Variants in TFAP2E observed in about 807,000 individuals in gnomAD.
The protein encoded by TFAP2E is transcription factor AP-2-epsilon.
In TFAP2E, 30 loss-of-function variants were observed where a neutral mutation model predicts 37.9. That is an observed-to-expected ratio of 0.79 (90% confidence interval 0.59 to 1.07). TFAP2E has a LOEUF of 1.07. Ranked by LOEUF, TFAP2E falls within the 50% of genes least tolerant of loss-of-function variation. The pLI is 0.00. For missense variants in TFAP2E, 567 were observed against 637.9 expected (o/e 0.89, Z 1.20); for synonymous variants, 318 against 295.8 (o/e 1.08, Z -0.77).
chr1:35,594,884 G>GT lies in TFAP2E; in HGVS notation c.*209dup. 1 of 667,412 alleles carries GT rather than the reference G, an allele frequency of 1.5e-6. No individual in the cohort carries two copies. Among genetic ancestry groups the GT allele is most frequent in the Non-Finnish European group, 2.5e-6 (1 of 402,348 alleles). The allele number at this position is 667,412 out of a possible 1,614,324, so 41.3% of individuals were successfully genotyped here. On this transcript the variant is annotated 3_prime_UTR_variant, in exon 7 of 7. Coordinates refer to ENST00000373235, the MANE Select transcript of TFAP2E (RefSeq NM_178548.4). ...GTGTGTTGGTAAGTTAAGGGCCCAG[G>GT]TATTTGTCTCATGTGTGCAATTTTC...
At chr1:35,582,944 C>T (rs1649393264) in intron 3 of TFAP2E, among the ~76,000 whole-genome samples, 3 of 151,970 alleles carry the variant, frequency 2.0e-5, no homozygotes. Flanking sequence ...ACTCTGTCGC[C>T]CAGGCTGGAG....
chr1:35,586,622 G>C (rs1649487519), intron 3 of TFAP2E, among the ~76,000 whole-genome samples: 1 of 152,052 alleles, frequency 6.6e-6, no homozygotes, highest in Non-Finnish European at 1.5e-5. Context: ...GCAGGGGTGG[G>C]AGAAACAAAA....
intron 3 of TFAP2E, among the ~76,000 whole-genome samples, chr1:35,579,064 AGAGGGAGACTATCTC>A (rs1310437178): frequency 8.0e-6 from 1 of 125,284 alleles, no homozygotes; most frequent in Non-Finnish European, 1.6e-5. Flanking sequence ...CCTGGACAAC[AGAGGGAGACTATCTC>A]AAAAAAAAAA....
Position 35,575,752 on chromosome 1 carries a change from G to GTATC in TFAP2E, c.562+754_562+757dup, listed in dbSNP as rs564730529. ...ATGTACACATTTCTCAATATGTACAGTATCTCTGTTGTGTCCTGCACTTTG... is the reference window on the plus strand; with the variant it reads ...ATGTACACATTTCTCAATATGTACAGTATCTATCTCTGTTGTGTCCTGCACTTTG... On this transcript the variant is annotated intron_variant, in intron 3 of 6. Transcript: ENST00000373235. Among the ~76,000 whole-genome samples the GTATC allele has an allele frequency of 4.9e-4, 75 of 152,326 alleles. 1 individual carries two copies. Among genetic ancestry groups the GTATC allele is most frequent in the Admixed American group, 1.8e-3 (27 of 15,304 alleles).
Position 35,590,029 on chromosome 1 carries a change from G to A in TFAP2E, c.885G>A (p.Leu295=). The A allele has an allele frequency of 6.2e-7, 1 of 1,614,030 alleles. No homozygotes were observed. Among genetic ancestry groups the A allele is most frequent in the Non-Finnish European group, 8.5e-7 (1 of 1,179,946 alleles). The part of the protein sequence containing the change: ...AGRRKAANVT[L]LTSLVEGEAV... ...GTCGCAAGGCCGCCAATGTGACGCT[G>A]CTGACTTCGCTAGTGGAAGGTGAGT... Residue 295 remains leucine (L), a synonymous_variant, in exon 5 of 7, where the codon CTG becomes CTA. Coordinates refer to ENST00000373235, the MANE Select transcript of TFAP2E (RefSeq NM_178548.4). The surrounding 1 kb of genome is among the most constrained non-coding windows in gnomAD (Gnocchi z 6.2).
chr1:35,578,711 A>C (rs1649255779), intron 3 of TFAP2E, among the ~76,000 whole-genome samples: 2 of 152,144 alleles, frequency 1.3e-5, no homozygotes, highest in South Asian at 4.1e-4. Context: ...CTTCCCAGAC[A>C]ATCTCTAAGC....
intron 3 of TFAP2E, among the ~76,000 whole-genome samples, chr1:35,584,969 G>A (rs557377781): frequency 2.0e-5 from 3 of 152,250 alleles, no homozygotes; most frequent in East Asian, 3.9e-4. Context: ...CCTGTGCCAA[G>A]ACCCTGCCCT....
At position 35,588,500 on chromosome 1, in the gene TFAP2E, C is replaced by A; in HGVS notation, c.733C>A (p.Leu245Ile). 6.2e-7 allele frequency: 1 copy of A among 1,606,816 alleles called. No individual in the cohort carries two copies. Among genetic ancestry groups the A allele is most frequent in the Admixed American group, 1.7e-5 (1 of 59,940 alleles). Residue 245 changes from leucine (L) to isoleucine (I), a missense_variant, in exon 4 of 7, where the codon CTC becomes ATC. Physicochemically the swap from Leu to Ile is conservative, Grantham distance 5. This residue lies in a region of TFAP2E where 252 missense variants were observed against 302.6 expected (regional missense o/e 0.83). Coordinates refer to ENST00000373235, the MANE Select transcript of TFAP2E (RefSeq NM_178548.4). This position sits in a 1 kb window ranked among gnomAD's most constrained non-coding sequence, Gnocchi z 5.1. ...KVTVGEVQRRLSPPECLNASL... is the reference protein window; with the variant it reads ...KVTVGEVQRRISPPECLNASL... ...GACGGTGGGGGAGGTGCAGCGGCGA[C>A]TCTCGCCTCCCGAGTGCCTCAACGC...
rs1649208174 is a variant in TFAP2E, at chr1:35,577,308, C to G, written c.562+2308C>G. On this transcript the variant is annotated intron_variant, in intron 3 of 6. Coordinates refer to ENST00000373235, the MANE Select transcript of TFAP2E (RefSeq NM_178548.4). The surrounding 1 kb of genome is among the most constrained non-coding windows in gnomAD (Gnocchi z 6.3). ...CTCCCCACACCTGCCCTCGGCGCCCCCAGCAGTTTTCACCTTGGCCCTCCG... is the reference window on the plus strand; with the variant it reads ...CTCCCCACACCTGCCCTCGGCGCCCGCAGCAGTTTTCACCTTGGCCCTCCG... The G allele has an allele frequency of 6.6e-6, 3 of 452,490 alleles. No individual in the cohort carries two copies. Among genetic ancestry groups the G allele is most frequent in the East Asian group, 1.4e-4 (2 of 14,316 alleles). The allele number at this position is 452,490 out of a possible 1,614,324, so 28.0% of individuals were successfully genotyped here.
At chr1:35,595,363 G>A (rs1247299719), downstream of TFAP2E, 2 of 150,544 alleles carry the variant, frequency 1.3e-5, no homozygotes, top group Non-Finnish European at 3.0e-5. Context: ...AATGAGTTGG[G>A]GATTCATTTC....
In TFAP2E at chr1:35,573,518, G is replaced by T; in HGVS notation, c.-60G>T. ...GGCTCCCGGCGCCTCTGCCCGCAGC[G>T]CTCGCCGTCGGGCTAGGGCTCCGCC... On this transcript the variant is annotated 5_prime_UTR_variant, in exon 1 of 7. Transcript: ENST00000373235. This position sits in a 1 kb window ranked among gnomAD's most constrained non-coding sequence, Gnocchi z 5.9. 1 of 1,458,126 alleles carries T rather than the reference G, an allele frequency of 6.9e-7. No homozygotes were observed. The highest frequency in any genetic ancestry group is 1.4e-5 in the South Asian group (1 of 71,824). 90.3% of individuals were successfully genotyped at this position (1,458,126 alleles called of 1,614,324 possible).
Position 35,573,957 on chromosome 1 carries a change from G to T in TFAP2E, c.58G>T (p.Gly20Cys), listed in dbSNP as rs1340553406. ...ERPDGLGAAA[G>C]GARLSSLPQA... ...CCCCGACGGGCTGGGAGCAGCTGCC[G>T]GCGGGGCCCGCCTGTCGTCTCTGCC... The change falls in exon 2 of 7, where the codon GGC (glycine) becomes TGC (cysteine). Residue 20 changes from glycine (G) to cysteine (C), a missense_variant. Physicochemically the swap from Gly to Cys is radical, Grantham distance 159. This residue lies in a region of TFAP2E where 312 missense variants were observed against 317.4 expected (regional missense o/e 0.98). Coordinates refer to ENST00000373235, the MANE Select transcript of TFAP2E (RefSeq NM_178548.4). This position sits in a 1 kb window ranked among gnomAD's most constrained non-coding sequence, Gnocchi z 5.9. The T allele has an allele frequency of 5.6e-6, 8 of 1,437,882 alleles. No individual in the cohort carries two copies. Among genetic ancestry groups the T allele is most frequent in the Admixed American group, 3.0e-5 (1 of 33,684 alleles). The allele number at this position is 1,437,882 out of a possible 1,614,324, so 89.1% of individuals were successfully genotyped here.
At chr1:35,587,553 G>A (rs980954961) in intron 3 of TFAP2E, among the ~76,000 whole-genome samples, 77 of 146,412 alleles carry the variant, frequency 5.3e-4, no homozygotes, top group African/African-American at 1.8e-3. Context: ...CAGAAGAATC[G>A]CTTGAACCCG....
At chr1:35,579,229 C>T (rs977634936) in intron 3 of TFAP2E, among the ~76,000 whole-genome samples, 2 of 150,920 alleles carry the variant, frequency 1.3e-5, no homozygotes, top group Non-Finnish European at 2.9e-5. Flanking sequence ...AACCCCGTTT[C>T]TACTAAAAAT....
chr1:35,587,989 C>T (rs1649533416), intron 3 of TFAP2E, among the ~76,000 whole-genome samples: 1 of 152,094 alleles, frequency 6.6e-6, no homozygotes, highest in Non-Finnish European at 1.5e-5. Context: ...CCTGGCCTGA[C>T]CCTGCTGCAG....
At chr1:35,583,467 C>T (rs1649405234) in intron 3 of TFAP2E, among the ~76,000 whole-genome samples, 1 of 152,100 alleles carries the variant, frequency 6.6e-6, no homozygotes, top group Non-Finnish European at 1.5e-5. Context: ...CTAGAAAAAA[C>T]TTGCAACTTT....
Position 35,573,961 on chromosome 1 carries a change from G to A in TFAP2E, c.62G>A (p.Gly21Glu), listed in dbSNP as rs765714122. ...GACGGGCTGGGAGCAGCTGCCGGCGGGGCCCGCCTGTCGTCTCTGCCCCAG... is the reference window on the plus strand; with the variant it reads ...GACGGGCTGGGAGCAGCTGCCGGCGAGGCCCGCCTGTCGTCTCTGCCCCAG... ...RPDGLGAAAGGARLSSLPQAA... is the reference protein window; with the variant it reads ...RPDGLGAAAGEARLSSLPQAA... The change falls in exon 2 of 7, where the codon GGG (glycine) becomes GAG (glutamate). Residue 21 changes from glycine (G) to glutamate (E), a missense_variant. Coordinates refer to ENST00000373235, the MANE Select transcript of TFAP2E (RefSeq NM_178548.4). This position sits in a 1 kb window ranked among gnomAD's most constrained non-coding sequence, Gnocchi z 5.9. 7 of 1,448,924 alleles carry A rather than the reference G, an allele frequency of 4.8e-6. No homozygotes were observed. The highest frequency in any genetic ancestry group is 4.9e-4 in the Middle Eastern group (2 of 4,062). The allele number at this position is 1,448,924 out of a possible 1,614,324, so 89.8% of individuals were successfully genotyped here. A position where few individuals can be genotyped will look rare whatever the true frequency, so the allele number is the denominator to read the frequency against.
chr1:35,589,151 C>A (rs1571107683), intron 4 of TFAP2E, among the ~76,000 whole-genome samples: 1 of 149,556 alleles, frequency 6.7e-6, no homozygotes, highest in East Asian at 2.0e-4. Context: ...TCCTGTGTTT[C>A]TTCTAGTGGG....
chr1:35,575,718 ATT>A (rs1649150053), intron 3 of TFAP2E, among the ~76,000 whole-genome samples: 2 of 152,130 alleles, frequency 1.3e-5, no homozygotes, highest in African/African-American at 4.8e-5. Flanking sequence ...ATTTCTCTGC[ATT>A]TGGGGGATGT....
Sources: gnomAD v4.1 joint callset for allele counts (sites outside exome capture counted in the v4.1 genomes callset) on GRCh38, gnomAD v4.1.1 for gene constraint, gnomAD v4.1.1 regional missense constraint, Gnocchi (gnomAD v3.1) non-coding constraint, MANE v1.5 for transcripts, NCBI Gene and HGNC (gene_info 2026-07-23, HGNC 2026-07-21) for gene names.